The following TENM3 variants were observed in gnomAD, a reference collection of about 807,000 sequenced individuals.
The protein encoded by TENM3 is teneurin-3.
Under a neutral mutation model 255.1 loss-of-function variants are expected in TENM3, and 63 were observed. The observed-to-expected ratio is 0.25, with a 90% CI of 0.20 to 0.30. TENM3 has a LOEUF of 0.30. Ranked by LOEUF, TENM3 falls within the 10% of genes least tolerant of loss-of-function variation. The pLI is 1.00. For missense variants in TENM3, 2,929 were observed against 3,461.1 expected (o/e 0.85, Z 3.86); for synonymous variants, 1,306 against 1,322.3 (o/e 0.99, Z 0.27).
intron 3 of TENM3, among the ~76,000 whole-genome samples, chr4:182,388,126 G>A (rs561254242): frequency 2.1e-4 from 32 of 152,172 alleles, no homozygotes; most frequent in African/African-American, 7.5e-4. Context: ...GGGCATCTGG[G>A]GTTGCTCTTT....
chr4:181,789,784 G>A, the TENM3 span, among the ~76,000 whole-genome samples: 6,333 of 152,192 alleles, frequency 0.042, 158 homozygotes, highest in East Asian at 0.087. Flanking sequence ...GGAGGAGGAG[G>A]TGTGTTTGCT....
chr4:181,465,062 T>C, the TENM3 span, among the ~76,000 whole-genome samples: 2 of 152,204 alleles, frequency 1.3e-5, no homozygotes, highest in Admixed American at 1.3e-4. Flanking sequence ...ATCTCTTATG[T>C]TTTCTTTTAA....
the TENM3 span, among the ~76,000 whole-genome samples, chr4:181,884,636 A>G: frequency 6.6e-6 from 1 of 152,182 alleles, no homozygotes; most frequent in Non-Finnish European, 1.5e-5. Context: ...TCAGAATTTT[A>G]TCTCTTTCGA....
Position 182,720,062 on chromosome 4 carries a change from TCA to T in TENM3, c.2368+5846_2368+5847del, listed in dbSNP as rs539752485. ...GGATGAAAGAGTGAGACCCTGTCTC[TCA>T]CACACACACACACACAAACAAACTG... On this transcript the variant is annotated intron_variant, in intron 13 of 27. Coordinates refer to ENST00000511685, the MANE Select transcript of TENM3 (RefSeq NM_001080477.4). Among the ~76,000 whole-genome samples the T allele has an allele frequency of 3.2e-3, 475 of 149,576 alleles. 1 individual carries two copies. The highest frequency in any genetic ancestry group is 0.011 in the African/African-American group (451 of 40,812).
the TENM3 span, among the ~76,000 whole-genome samples, chr4:181,589,881 G>T: frequency 6.6e-6 from 1 of 152,060 alleles, no homozygotes; most frequent in African/African-American, 2.4e-5. Flanking sequence ...TTCTAGTATC[G>T]AGAGGACATC....
intron 3 of TENM3, among the ~76,000 whole-genome samples, chr4:182,379,183 G>A (rs1006137934): frequency 1.3e-5 from 2 of 152,086 alleles, no homozygotes; most frequent in Non-Finnish European, 1.5e-5. Context: ...GTGAAACCCC[G>A]TCTGTCCTAA....
intron 22 of TENM3, among the ~76,000 whole-genome samples, chr4:182,766,388 A>G (rs1402992246): frequency 1.3e-5 from 2 of 152,306 alleles, no homozygotes; most frequent in East Asian, 3.9e-4. Flanking sequence ...AAGAAAAAAA[A>G]AAGACAGACT....
chr4:181,775,103 A>G, the TENM3 span, among the ~76,000 whole-genome samples: 7 of 152,154 alleles, frequency 4.6e-5, no homozygotes, highest in Non-Finnish European at 1.5e-5. Context: ...CCTCTGGACT[A>G]AATATTGTCA....
chr4:182,453,150 C>G (rs1280620336), intron 3 of TENM3, among the ~76,000 whole-genome samples: 1 of 152,054 alleles, frequency 6.6e-6, no homozygotes, highest in Non-Finnish European at 1.5e-5. Context: ...CCCAGCTCTT[C>G]AGTTGAAATC....
At chr4:182,021,487 C>T in the TENM3 span, among the ~76,000 whole-genome samples, 3 of 152,090 alleles carry the variant, frequency 2.0e-5, no homozygotes, top group South Asian at 2.1e-4. Context: ...ACTCAAATCC[C>T]CCCCAGAAAA....
chr4:181,609,423 T>G, the TENM3 span, among the ~76,000 whole-genome samples: 1 of 152,230 alleles, frequency 6.6e-6, no homozygotes, highest in African/African-American at 2.4e-5. Flanking sequence ...TATTGCAGTT[T>G]TTTGCATTTC....
intron 1 of TENM3, among the ~76,000 whole-genome samples, chr4:182,218,799 A>G (rs1318176709): frequency 6.6e-6 from 1 of 152,272 alleles, no homozygotes; most frequent in African/African-American, 2.4e-5. Context: ...GAAGAAAAAG[A>G]ATCATGAAAA....
intron 5 of TENM3, among the ~76,000 whole-genome samples, chr4:182,632,107 A>G (rs1344362270): frequency 6.6e-6 from 1 of 152,208 alleles, no homozygotes; most frequent in Non-Finnish European, 1.5e-5. Context: ...CCATGTACAT[A>G]TACAGCTAGA....
intron 5 of TENM3, among the ~76,000 whole-genome samples, chr4:182,635,822 G>C (rs1471455728): frequency 1.3e-5 from 2 of 152,006 alleles, no homozygotes; most frequent in Non-Finnish European, 2.9e-5. Flanking sequence ...TCCTACTTCT[G>C]GGCCTATTTG....
chr4:182,305,083 T>TG (rs1457521163), intron 1 of TENM3, among the ~76,000 whole-genome samples: 6 of 152,262 alleles, frequency 3.9e-5, no homozygotes, highest in African/African-American at 1.4e-4. Context: ...CTTGTGAACG[T>TG]GGTATCTTTG....
chr4:181,632,171 T>A, the TENM3 span, among the ~76,000 whole-genome samples: 1 of 152,204 alleles, frequency 6.6e-6, no homozygotes, highest in Non-Finnish European at 1.5e-5. Context: ...CAGGAAATCA[T>A]AGCAGAAGGC....
the TENM3 span, among the ~76,000 whole-genome samples, chr4:181,979,169 G>A: frequency 1.8e-5 from 2 of 111,616 alleles, no homozygotes; most frequent in South Asian, 6.1e-4. Context: ...ATCTTTGGTT[G>A]ACTACCATGG....
At chr4:181,895,647 C>A in the TENM3 span, among the ~76,000 whole-genome samples, 1 of 145,058 alleles carries the variant, frequency 6.9e-6, no homozygotes, top group African/African-American at 2.5e-5. Flanking sequence ...TAGGCTCAAG[C>A]AATCCTCCCT....
the TENM3 span, among the ~76,000 whole-genome samples, chr4:181,701,508 C>A: frequency 6.6e-6 from 1 of 152,020 alleles, no homozygotes; most frequent in East Asian, 1.9e-4. Context: ...AGCACTTTTA[C>A]CTGTATGGCA....
Sources: allele counts gnomAD v4.1 joint callset (sites outside exome capture counted in the v4.1 genomes callset), GRCh38; gene constraint gnomAD v4.1.1; transcripts MANE v1.5; gene names NCBI Gene and HGNC (gene_info 2026-07-23, HGNC 2026-07-21).